The following ADGB variants were observed in gnomAD, a reference collection of about 807,000 sequenced individuals.
The protein encoded by ADGB is androglobin, also known as calpain-7-like protein.
In ADGB, 172 loss-of-function variants were observed where a neutral mutation model predicts 210.5. That is an observed-to-expected ratio of 0.82 (90% CI 0.72 to 0.93). ADGB has a LOEUF of 0.93. Ranked by LOEUF, ADGB falls within the 40% of genes least tolerant of loss-of-function variation. The pLI is 0.00. For synonymous variants in ADGB, 658 were observed against 662.7 expected, an observed-to-expected ratio of 0.99 and a Z score of 0.11; for missense variants, 2,025 against 1,964.8, an observed-to-expected ratio of 1.03 and a Z score of -0.58.
chr6:146,635,550 A>C lies in ADGB; in HGVS notation c.237+13A>C. 1 of 1,495,502 alleles carries C rather than the reference A, an allele frequency of 6.7e-7. No homozygotes were observed. The highest frequency in any genetic ancestry group is 2.6e-5 in the East Asian group (1 of 39,030). 92.6% of individuals were successfully genotyped at this position (1,495,502 alleles called of 1,614,324 possible). On this transcript the variant is annotated intron_variant, in intron 2 of 35. Coordinates refer to ENST00000397944, the MANE Select transcript of ADGB (RefSeq NM_024694.4). ...AAGCCCTGTATTTGTAAGTAGATGT[A>C]AATGTGACTAGGTTTCATTTTGGTT...
intron 8 of ADGB, 35 bp downstream of exon 8, chr6:146,672,502 G>T: frequency 6.7e-7 from 1 of 1,493,080 alleles, no homozygotes; most frequent in Non-Finnish European, 8.9e-7. Flanking sequence ...GATTCAGTAT[G>T]GACATTGCAT....
chr6:146,708,323 T>C (rs1233463088), intron 13 of ADGB, among the ~76,000 whole-genome samples: 2 of 152,102 alleles, frequency 1.3e-5, no homozygotes, highest in African/African-American at 2.4e-5. Flanking sequence ...AGTTTTATAC[T>C]CTCATTTTTT....
chr6:146,608,964 G>A (rs1482478600), intron 1 of ADGB, among the ~76,000 whole-genome samples: 12 of 152,088 alleles, frequency 7.9e-5, no homozygotes, highest in Admixed American at 3.3e-4. Flanking sequence ...TATTGTCATC[G>A]GGGTGTTAAG....
intron 27 of ADGB, among the ~76,000 whole-genome samples, chr6:146,760,854 T>C (rs2114621659): frequency 6.6e-6 from 1 of 152,084 alleles, no homozygotes; most frequent in Admixed American, 6.6e-5. Context: ...TGACTAATGA[T>C]GTTGAGCATC....
At chr6:146,626,824 A>G (rs1780979379) in intron 1 of ADGB, among the ~76,000 whole-genome samples, 1 of 151,654 alleles carries the variant, frequency 6.6e-6, no homozygotes, top group African/African-American at 2.4e-5. Context: ...TAAATTTTTA[A>G]TGACCATTAT....
rs896180025 is a variant in ADGB at position 146,782,037 on chromosome 6, G to A, written c.3880G>A (p.Glu1294Lys). Reference protein sequence around the residue: ...SNTKAYGERHEELINLGSPDS... With the variant: ...SNTKAYGERHKELINLGSPDS... ...CTCTCTAGCTTATGGTGAAAGACAC[G>A]AGGAGTTAATTAACTTAGGAAGCCC... Residue 1294 changes from glutamate (E) to lysine (K), a missense_variant, in exon 30 of 36, where the codon GAG (glutamate) becomes AAG (lysine). Coordinates refer to ENST00000397944, the MANE Select transcript of ADGB (RefSeq NM_024694.4). The A allele has an allele frequency of 8.0e-6, 12 of 1,494,152 alleles. No individual in the cohort carries two copies. Among genetic ancestry groups the A allele is most frequent in the South Asian group, 1.4e-5 (1 of 71,532 alleles). The allele number at this position is 1,494,152 out of a possible 1,614,324, so 92.6% of individuals were successfully genotyped here.
At chr6:146,609,334 A>G (rs1213301938) in intron 1 of ADGB, among the ~76,000 whole-genome samples, 1 of 151,894 alleles carries the variant, frequency 6.6e-6, no homozygotes, top group East Asian at 1.9e-4. Flanking sequence ...CCAACTTACC[A>G]CTCTGTGCCT....
intron 28 of ADGB, among the ~76,000 whole-genome samples, chr6:146,765,048 C>T (rs975140876): frequency 4.6e-5 from 7 of 152,068 alleles, no homozygotes; most frequent in South Asian, 4.1e-4. Flanking sequence ...ATCCACCTGC[C>T]GTGGCCTCCC....
At chr6:146,731,380 T>C (rs1262897530) in intron 20 of ADGB, among the ~76,000 whole-genome samples, 1 of 151,324 alleles carries the variant, frequency 6.6e-6, no homozygotes, top group Non-Finnish European at 1.5e-5. Context: ...AGCTATAGTC[T>C]CTACAGCTAC....
rs113150125 is a variant in ADGB, at chr6:146,803,794, C to T, written c.4818+1783C>T. The T allele has an allele frequency of 2.6e-5, 14 of 534,536 alleles. No homozygotes were observed. The East Asian group carries it at 4.5e-4, about 17-fold the overall frequency. 33.1% of individuals were successfully genotyped at this position (534,536 alleles called of 1,614,324 possible). ...ACAATCAGCGCCCGGCAGCCTAGAG[C>T]GTCCCTCGGCTTCTGGGCCGAGTCC... On this transcript the variant is annotated intron_variant, in intron 35 of 35. Transcript: ENST00000397944.
chr6:146,703,461 G>A (rs1776523307), intron 13 of ADGB, among the ~76,000 whole-genome samples: 1 of 151,636 alleles, frequency 6.6e-6, no homozygotes, highest in Non-Finnish European at 1.5e-5. Context: ...CAGATCTCTT[G>A]AATTTATCTC....
intron 1 of ADGB, among the ~76,000 whole-genome samples, chr6:146,601,638 A>G (rs142069605): frequency 2.0e-5 from 3 of 152,356 alleles, no homozygotes; most frequent in Non-Finnish European, 4.4e-5. Flanking sequence ...GTGTTTACAT[A>G]TCCAATAAAT....
At chr6:146,732,323 C>T (rs1054758377) in intron 20 of ADGB, among the ~76,000 whole-genome samples, 4 of 152,146 alleles carry the variant, frequency 2.6e-5, no homozygotes, top group African/African-American at 9.7e-5. Flanking sequence ...TAATGGAAGT[C>T]TAGTCCACTG....
chr6:146,656,928 A>G lies in ADGB; in HGVS notation c.560A>G (p.His187Arg). 6.4e-7 allele frequency: 1 copy of G among 1,551,624 alleles called. No individual in the cohort carries two copies. The highest frequency in any genetic ancestry group is 8.7e-7 in the Non-Finnish European group (1 of 1,146,894). ...TCTCTGTGCAAGGCTGTGAAGGGTC[A>G]TATGCCTTTGTTCAATAGCTATGGA... ...IYSLCKAVKG[H>R]MPLFNSYGKY... The change falls in exon 5 of 36, where the codon CAT becomes CGT. Residue 187 changes from histidine to arginine, a missense_variant. His to Arg is a conservative substitution (Grantham distance 29). Coordinates refer to ENST00000397944, the MANE Select transcript of ADGB (RefSeq NM_024694.4).
chr6:146,773,973 G>A (rs1332999834), intron 29 of ADGB, among the ~76,000 whole-genome samples: 2 of 152,052 alleles, frequency 1.3e-5, no homozygotes, highest in South Asian at 2.1e-4. Context: ...TAAGAAACTT[G>A]CTCTCAGTCA....
chr6:146,811,167 A>G (rs1217895415), intron 35 of ADGB, among the ~76,000 whole-genome samples: 1 of 152,138 alleles, frequency 6.6e-6, no homozygotes, highest in African/African-American at 2.4e-5. Context: ...ACACACATAG[A>G]AACAACCTAT....
Position 146,721,052 on chromosome 6 carries a change from A to G in ADGB, c.1993-351A>G, listed in dbSNP as rs536242669. On this transcript the variant is annotated intron_variant, in intron 16 of 35. Coordinates refer to ENST00000397944, the MANE Select transcript of ADGB (RefSeq NM_024694.4). Reference sequence around the variant, plus strand: ...TTCTTACTCTATGGCCTTCCTGCCCATCAAAGACCCATGCTTGAGTACTAC... The same window carrying G: ...TTCTTACTCTATGGCCTTCCTGCCCGTCAAAGACCCATGCTTGAGTACTAC... 5.3e-5 allele frequency among the ~76,000 whole-genome samples: 8 copies of G among 152,250 alleles called. No homozygotes were observed. In the East Asian group the frequency reaches 1.4e-3, roughly 26 times the overall value.
intron 13 of ADGB, among the ~76,000 whole-genome samples, chr6:146,704,749 T>G (rs1776543742): frequency 6.6e-6 from 1 of 152,058 alleles, no homozygotes. Flanking sequence ...GCTTTAGCTA[T>G]TTAGGGTCTT....
intron 1 of ADGB, among the ~76,000 whole-genome samples, chr6:146,601,039 T>C (rs1368033144): frequency 1.3e-5 from 2 of 151,812 alleles, no homozygotes; most frequent in African/African-American, 4.8e-5. Context: ...TTCGGGAAAA[T>C]CTTGGACTTT....
Sources: gnomAD v4.1 joint callset for allele counts (sites outside exome capture counted in the v4.1 genomes callset) on GRCh38, gnomAD v4.1.1 for gene constraint, MANE v1.5 for transcripts, NCBI Gene and HGNC (gene_info 2026-07-23, HGNC 2026-07-21) for gene names.